Variants in LYPLAL1 observed in about 807,000 individuals in gnomAD.
The protein encoded by LYPLAL1 is lysophospholipase like 1.
A neutral mutation model predicts 19.7 loss-of-function variants in LYPLAL1; 23 were observed. The ratio of observed to expected loss-of-function variants is 1.17; its 90% CI spans 0.84 to 1.65. The LOEUF (loss-of-function observed/expected upper bound fraction) is 1.65. LYPLAL1 is among the 40% of genes most tolerant of loss of function. The pLI is 0.00. For synonymous variants in LYPLAL1, 119 were observed against 96.3 expected (o/e 1.24, Z -1.38); for missense variants, 355 against 279.4 (o/e 1.27, Z -1.93).
At chr1:219,336,966 G>A in the LYPLAL1 span, among the ~76,000 whole-genome samples, 46,890 of 151,802 alleles carry the variant, frequency 0.31, 8,649 homozygotes, top group Non-Finnish European at 0.41. Flanking sequence ...GGTTGTCAGC[G>A]GGGCTGTTTT....
the LYPLAL1 span, among the ~76,000 whole-genome samples, chr1:219,260,235 G>T: frequency 2.0e-5 from 3 of 151,882 alleles, no homozygotes; most frequent in East Asian, 5.8e-4. Flanking sequence ...GAGGCATTAA[G>T]ATTGGTATTA....
At chr1:219,325,869 A>G in the LYPLAL1 span, among the ~76,000 whole-genome samples, 1 of 152,196 alleles carries the variant, frequency 6.6e-6, no homozygotes, top group African/African-American at 2.4e-5. Context: ...TGGGGGAAAT[A>G]TAAGAAATGA....
At chr1:219,358,835 CGTGTGTGT>C in the LYPLAL1 span, among the ~76,000 whole-genome samples, 1 of 149,880 alleles carries the variant, frequency 6.7e-6, no homozygotes, top group Non-Finnish European at 1.5e-5. Context: ...TGTGTGTGTG[CGTGTGTGT>C]GTGTGTGTGC....
At chr1:219,265,098 C>T in the LYPLAL1 span, among the ~76,000 whole-genome samples, 1 of 152,166 alleles carries the variant, frequency 6.6e-6, no homozygotes, top group Non-Finnish European at 1.5e-5. Context: ...AAATGAGGAG[C>T]ATTAATGGCA....
intron 3 of LYPLAL1, 128 bp downstream of exon 3, chr1:219,193,379 C>T (rs971332556): frequency 7.1e-6 from 4 of 564,100 alleles, no homozygotes; most frequent in Non-Finnish European, 1.1e-5. Flanking sequence ...TTCAGATAAA[C>T]TTTACATATT....
intron 2 of LYPLAL1, chr1:219,179,450 T>TA (rs1352482164): frequency 2.0e-6 from 1 of 510,148 alleles, no homozygotes; most frequent in Non-Finnish European, 3.4e-6. Flanking sequence ...TCCCTTTCTG[T>TA]AAAGCATTCC....
In LYPLAL1 at chr1:219,210,585, C is replaced by T. The variant is rs1658941173; in HGVS notation, c.415C>T (p.Gln139Ter). ...MAIHLAYRNH[Q>*]DVAGVFALSS... ...AATACATTTAGCATATAGAAATCAT[C>T]AAGATGTGGCAGGAGTATTTGCTCT... The change falls in exon 4 of 5, where the codon CAA (glutamine) becomes TAA (stop). Residue 139 changes from glutamine to a stop codon, truncating the protein, a stop_gained. Transcript: ENST00000366928. LOFTEE classifies it high-confidence loss of function. The T allele has an allele frequency of 1.2e-6, 2 of 1,609,806 alleles. No individual in the cohort carries two copies. Among genetic ancestry groups the T allele is most frequent in the Non-Finnish European group, 1.7e-6 (2 of 1,177,624 alleles).
chr1:219,291,120 A>G, the LYPLAL1 span, among the ~76,000 whole-genome samples: 2 of 152,232 alleles, frequency 1.3e-5, no homozygotes, highest in Admixed American at 6.5e-5. Flanking sequence ...CACTTGGTAT[A>G]TAGCAAGTAT....
At chr1:219,401,514 G>A in the LYPLAL1 span, among the ~76,000 whole-genome samples, 2 of 150,528 alleles carry the variant, frequency 1.3e-5, no homozygotes, top group Non-Finnish European at 3.0e-5. Context: ...TTCAATTTTT[G>A]TGATAAATTT....
At chr1:219,342,427 T>C in the LYPLAL1 span, among the ~76,000 whole-genome samples, 1 of 152,104 alleles carries the variant, frequency 6.6e-6, no homozygotes, top group Non-Finnish European at 1.5e-5. Context: ...GGGCCCTTTT[T>C]GCATCACCCT....
chr1:219,325,239 T>TTTC, the LYPLAL1 span, among the ~76,000 whole-genome samples: 1 of 152,192 alleles, frequency 6.6e-6, no homozygotes, highest in African/African-American at 2.4e-5. Flanking sequence ...AAGGCTTGAC[T>TTTC]CATAATGCGT....
chr1:219,268,666 A>C, the LYPLAL1 span, among the ~76,000 whole-genome samples: 3 of 152,246 alleles, frequency 2.0e-5, no homozygotes, highest in Non-Finnish European at 4.4e-5. Flanking sequence ...GGCTAGAAGA[A>C]GATTTTGAAA....
chr1:219,278,623 ATTCT>A, the LYPLAL1 span, among the ~76,000 whole-genome samples: 1 of 152,092 alleles, frequency 6.6e-6, no homozygotes, highest in Admixed American at 6.6e-5. Context: ...AGTCAGTGAA[ATTCT>A]TTCTTATCTT....
the LYPLAL1 span, among the ~76,000 whole-genome samples, chr1:219,334,495 A>G: frequency 6.6e-6 from 1 of 150,514 alleles, no homozygotes; most frequent in African/African-American, 2.4e-5. Context: ...AGCATAAATG[A>G]CAGCTTTCTG....
the LYPLAL1 span, among the ~76,000 whole-genome samples, chr1:219,274,827 C>T: frequency 1.3e-5 from 2 of 152,288 alleles, no homozygotes; most frequent in East Asian, 3.9e-4. Context: ...ATGAGATCAT[C>T]TATAATTACT....
chr1:219,269,988 A>T, the LYPLAL1 span, among the ~76,000 whole-genome samples: 1 of 152,244 alleles, frequency 6.6e-6, no homozygotes, highest in African/African-American at 2.4e-5. Context: ...ATAATACTTG[A>T]TTGAGAGTTC....
At chr1:219,302,233 T>C in the LYPLAL1 span, among the ~76,000 whole-genome samples, 1 of 152,206 alleles carries the variant, frequency 6.6e-6, no homozygotes, top group Admixed American at 6.5e-5. Context: ...AACTGTTAAC[T>C]GATCTTGCTT....
the LYPLAL1 span, among the ~76,000 whole-genome samples, chr1:219,406,474 C>G: frequency 6.6e-5 from 10 of 152,192 alleles, no homozygotes; most frequent in African/African-American, 2.2e-4. Flanking sequence ...GACCTAAACA[C>G]ACTTGCATGG....
At chr1:219,329,036 T>C in the LYPLAL1 span, among the ~76,000 whole-genome samples, 1 of 152,184 alleles carries the variant, frequency 6.6e-6, no homozygotes, top group African/African-American at 2.4e-5. Flanking sequence ...ATTTGGTAAA[T>C]TTATTAATGT....
Sources: gnomAD v4.1 joint callset for allele counts (sites outside exome capture counted in the v4.1 genomes callset) on GRCh38, gnomAD v4.1.1 for gene constraint, MANE v1.5 for transcripts, NCBI Gene and HGNC (gene_info 2026-07-23, HGNC 2026-07-21) for gene names.